The following ZNF880 variants were observed in gnomAD, a reference collection of about 807,000 sequenced individuals.
ZNF880 encodes zinc finger protein LOC400713.
A neutral mutation model predicts 11.8 loss-of-function variants in ZNF880; 12 were observed. That is an observed-to-expected ratio of 1.02 (90% CI 0.65 to 1.65). ZNF880 has a LOEUF of 1.65. Ranked by LOEUF, ZNF880 falls within the 40% of genes most tolerant of loss-of-function variation. The pLI is 0.00. For synonymous variants in ZNF880, 210 were observed against 232.4 expected (o/e 0.90, Z 0.88); for missense variants, 601 against 673.9 (o/e 0.89, Z 1.20).
Position 52,385,001 on chromosome 19 carries a change from C to T in ZNF880, c.1421C>T (p.Thr474Ile). 1 of 1,561,970 alleles carries T rather than the reference C, an allele frequency of 6.4e-7. No individual in the cohort carries two copies. Among genetic ancestry groups the T allele is most frequent in the East Asian group, 2.4e-5 (1 of 42,282 alleles). The part of the protein sequence containing the change: ...YRCDECGKDF[T>I]RNSNLANHHR... ...TGTGATGAATGTGGCAAGGACTTCACTCGAAATTCAAACCTTGCAAATCAT... is the reference window on the plus strand; with the variant it reads ...TGTGATGAATGTGGCAAGGACTTCATTCGAAATTCAAACCTTGCAAATCAT... The change falls in exon 4 of 4, where the codon ACT (threonine) becomes ATT (isoleucine). Residue 474 changes from threonine to isoleucine, a missense_variant. Thr to Ile is a moderately conservative substitution (Grantham distance 89). Coordinates refer to ENST00000422689, the MANE Select transcript of ZNF880 (RefSeq NM_001145434.2).
chr19:52,386,700 G>A (rs1287074708), downstream of ZNF880, among the ~76,000 whole-genome samples: 1 of 139,996 alleles, frequency 7.1e-6, no homozygotes, highest in Non-Finnish European at 1.5e-5. Flanking sequence ...TACTCGGGAG[G>A]CTGAGGCAGG....
In ZNF880 at chr19:52,370,013, C is replaced by T. The variant is rs764380515; in HGVS notation, c.12+36C>T. Reference sequence around the variant, plus strand: ...CTTTGTTTAGATTAAATCTGGGATGCTGAGTCCCCTCGCGCTTCTGTACCC... The same window carrying T: ...CTTTGTTTAGATTAAATCTGGGATGTTGAGTCCCCTCGCGCTTCTGTACCC... On this transcript the variant is annotated intron_variant, in intron 1 of 3. Transcript: ENST00000422689. The T allele has an allele frequency of 9.7e-6, 15 of 1,551,530 alleles. No homozygotes were observed. The South Asian group carries it at 1.8e-4, about 18-fold the overall frequency.
At chr19:52,376,509 CT>C (rs869288387) in intron 3 of ZNF880, among the ~76,000 whole-genome samples, 6 of 58,304 alleles carry the variant, frequency 1.0e-4, no homozygotes, top group Admixed American at 5.5e-4. Flanking sequence ...CCCCCCCCCC[CT>C]TTTTTTTTTT....
chr19:52,384,380 C>CT lies in ZNF880; in HGVS notation c.802dup (p.Tyr268LeufsTer5), dbSNP rs1568664965. ...CAGAGAATACATACTGGAGAGAAAC[C>CT]TTACAAATGTCATGAGTGTGGCAAA... On this transcript the variant is annotated frameshift_variant, in exon 4 of 4. Transcript: ENST00000422689. LOFTEE classifies it low-confidence loss of function (END_TRUNC). The CT allele has an allele frequency of 2.5e-6, 4 of 1,613,808 alleles. No homozygotes were observed. Among genetic ancestry groups the CT allele is most frequent in the Non-Finnish European group, 3.4e-6 (4 of 1,179,802 alleles).
chr19:52,396,953 A>T, the ZNF880 span: 1 of 152,264 alleles, frequency 6.6e-6, no homozygotes, highest in East Asian at 1.9e-4. Flanking sequence ...AAAAAGTATT[A>T]AAAAACTAAG....
chr19:52,374,287 T>C lies in ZNF880; in HGVS notation c.140-12T>C. ...CCAGGATAGTCTTGATATTCTTTCT[T>C]TTTTTAAATAGGAATCTGTCTTCCT... is the stretch of plus-strand genomic sequence containing the variant. On this transcript the variant is annotated splice_polypyrimidine_tract_variant and intron_variant, in intron 2 of 3. Coordinates refer to ENST00000422689, the MANE Select transcript of ZNF880 (RefSeq NM_001145434.2). 15 of 1,610,604 alleles carry C rather than the reference T, an allele frequency of 9.3e-6. No homozygotes were observed. Among genetic ancestry groups the C allele is most frequent in the Non-Finnish European group, 1.3e-5 (15 of 1,178,372 alleles).
At chr19:52,383,816 G>T (rs1298597115) in intron 3 of ZNF880, 33 bp from the exon 4 acceptor site, 1 of 1,494,974 alleles carries the variant, frequency 6.7e-7, no homozygotes, top group Admixed American at 2.5e-5. Context: ...CATTGTCATG[G>T]GTTGAAGTTC....
At position 52,385,275 on chromosome 19, in the gene ZNF880, T is replaced by G; in HGVS notation, c.1695T>G (p.Asn565Lys). The change falls in exon 4 of 4, where the codon AAT (asparagine) becomes AAG (lysine). Residue 565 changes from asparagine (N) to lysine (K), a missense_variant. This residue lies in a region of ZNF880 where 177 missense variants were observed against 214.5 expected (regional missense o/e 0.83). Coordinates refer to ENST00000422689, the MANE Select transcript of ZNF880 (RefSeq NM_001145434.2). ...TCACTCGAAATTCAAACCTGGCAAA[T>G]CATCACAGAATCCATACTGGAGAGA... ...KDFTRNSNLANHHRIHTGEKP... is the reference protein window; with the variant it reads ...KDFTRNSNLAKHHRIHTGEKP... The G allele has an allele frequency of 6.4e-7, 1 of 1,551,788 alleles. No homozygotes were observed. Among genetic ancestry groups the G allele is most frequent in the Non-Finnish European group, 8.7e-7 (1 of 1,147,106 alleles).
At position 52,369,932 on chromosome 19, in the gene ZNF880, G is replaced by C; in HGVS notation, c.-34G>C. 6.4e-7 allele frequency: 1 copy of C among 1,551,622 alleles called. No homozygotes were observed. Among genetic ancestry groups the C allele is most frequent in the Non-Finnish European group, 8.7e-7 (1 of 1,146,972 alleles). ...TCTCAGCTGCGCGCGCAGTTTCCTG[G>C]AGACCCGGAAGCAGATTACGTGGAG... On this transcript the variant is annotated 5_prime_UTR_variant, in exon 1 of 4. Coordinates refer to ENST00000422689, the MANE Select transcript of ZNF880 (RefSeq NM_001145434.2).
upstream of ZNF880, chr19:52,367,019 G>C (rs1317967403): frequency 4.9e-6 from 2 of 411,960 alleles, no homozygotes; most frequent in African/African-American, 4.1e-5. Flanking sequence ...GCATATTCTT[G>C]AGTAGGATTC....
At position 52,383,760 on chromosome 19, in the gene ZNF880, G is replaced by A. The variant is rs951350954; in HGVS notation, c.269-89G>A. On this transcript the variant is annotated intron_variant, in intron 3 of 3. Coordinates refer to ENST00000422689, the MANE Select transcript of ZNF880 (RefSeq NM_001145434.2). ...TGCTGATATTCCTTCCCATGTCTGAGTCAGGTGAGGCAGAATCTAGTCTCT... is the reference window on the plus strand; with the variant it reads ...TGCTGATATTCCTTCCCATGTCTGAATCAGGTGAGGCAGAATCTAGTCTCT... 3.0e-6 allele frequency: 4 copies of A among 1,336,242 alleles called. No individual in the cohort carries two copies. The Admixed American group carries it at 8.1e-5, about 27-fold the overall frequency. The allele number at this position is 1,336,242 out of a possible 1,614,324, so 82.8% of individuals were successfully genotyped here. A position where few individuals can be genotyped will look rare whatever the true frequency, so the allele number is the denominator to read the frequency against.
chr19:52,389,474 C>T (rs1011036580), downstream of ZNF880: 3 of 152,062 alleles, frequency 2.0e-5, no homozygotes, highest in Admixed American at 2.0e-4. Flanking sequence ...CTTTTGACTC[C>T]GTGTCTCACA....
intron 1 of ZNF880, 132 bp from the exon 2 acceptor site, chr19:52,372,979 G>A (rs1600246361): frequency 1.3e-5 from 8 of 608,482 alleles, no homozygotes; most frequent in South Asian, 5.8e-5. Flanking sequence ...AACACAATTA[G>A]AAACATATAA....
At chr19:52,383,205 C>CTGT (rs1181446882) in intron 3 of ZNF880, among the ~76,000 whole-genome samples, 3 of 152,096 alleles carry the variant, frequency 2.0e-5, no homozygotes, top group Admixed American at 2.0e-4. Flanking sequence ...TTATCTGTCT[C>CTGT]TGTTATCTTT....
chr19:52,377,650 C>T (rs1038706861), intron 3 of ZNF880, among the ~76,000 whole-genome samples: 2 of 152,068 alleles, frequency 1.3e-5, no homozygotes, highest in Admixed American at 6.6e-5. Flanking sequence ...TAGGGTGGCC[C>T]ACAGAACTCA....
downstream of ZNF880, chr19:52,389,394 G>T (rs1189113748): frequency 6.6e-6 from 1 of 152,080 alleles, no homozygotes; most frequent in Non-Finnish European, 1.5e-5. Context: ...GGGAGAAATT[G>T]GCCAAAACAG....
chr19:52,369,954 G>A lies in ZNF880; in HGVS notation c.-12G>A, dbSNP rs527666261. ...CTGGAGACCCGGAAGCAGATTACGT[G>A]GAGTGACGGTCATGCTGCGGCGTGT... On this transcript the variant is annotated 5_prime_UTR_variant, in exon 1 of 4. Coordinates refer to ENST00000422689, the MANE Select transcript of ZNF880 (RefSeq NM_001145434.2). The A allele has an allele frequency of 1.9e-6, 3 of 1,551,660 alleles. No individual in the cohort carries two copies. The highest frequency in any genetic ancestry group is 1.7e-6 in the Non-Finnish European group (2 of 1,147,010).
chr19:52,369,230 T>C (rs2244428), upstream of ZNF880, among the ~76,000 whole-genome samples: 123,028 of 150,222 alleles, frequency 0.82, 50,636 homozygotes, highest in African/African-American at 0.88. Flanking sequence ...GGTGTGGTGG[T>C]GGGCGCCTGT....
At chr19:52,379,697 G>A (rs993532012) in intron 3 of ZNF880, 3 of 218,776 alleles carry the variant, frequency 1.4e-5, no homozygotes, top group Admixed American at 5.6e-5. Flanking sequence ...ACCCGCCTCA[G>A]CCTCCCAAAG....
Sources: allele counts gnomAD v4.1 joint callset (sites outside exome capture counted in the v4.1 genomes callset), GRCh38; gene constraint gnomAD v4.1.1; regional missense constraint gnomAD v4.1.1; transcripts MANE v1.5; gene names NCBI Gene and HGNC (gene_info 2026-07-23, HGNC 2026-07-21).